CLIC4: variants seen among roughly 807,000 people sequenced by gnomAD.
CLIC4 encodes chloride intracellular channel protein 4.
Under a neutral mutation model 24.6 loss-of-function variants are expected in CLIC4, and 13 were observed. The observed-to-expected ratio is 0.53, with a 90% CI of 0.34 to 0.84. The LOEUF (loss-of-function observed/expected upper bound fraction) is 0.84, where lower values mean the gene tolerates loss of function less well. CLIC4 is among the 40% of genes least tolerant of loss of function. CLIC4 has a pLI of 0.01. For missense variants in CLIC4, 227 were observed against 301.7 expected (o/e 0.75, Z 1.83); for synonymous variants, 104 against 111.3 (o/e 0.93, Z 0.41).
chr1:24,799,090 C>T (rs556276467), intron 2 of CLIC4, among the ~76,000 whole-genome samples: 2 of 151,816 alleles, frequency 1.3e-5, no homozygotes, highest in East Asian at 1.9e-4. Flanking sequence ...TGAGGAGTGT[C>T]TCTGCCTGGC....
chr1:24,824,996 TCACACACACACACACACACACACA>T (rs3220273), intron 3 of CLIC4, among the ~76,000 whole-genome samples: 5 of 133,958 alleles, frequency 3.7e-5, no homozygotes, highest in South Asian at 2.5e-4. Context: ...GGAGACCCTG[TCACACACACACACACACACACACA>T]CACACACACA....
intron 2 of CLIC4, among the ~76,000 whole-genome samples, chr1:24,809,355 A>G (rs1166979798): frequency 6.6e-6 from 1 of 152,248 alleles, no homozygotes; most frequent in East Asian, 1.9e-4. Context: ...ATGGAGCCAG[A>G]GAGAGAATAT....
At chr1:24,797,034 A>T (rs1261349286) in intron 1 of CLIC4, among the ~76,000 whole-genome samples, 1 of 150,892 alleles carries the variant, frequency 6.6e-6, no homozygotes, top group East Asian at 2.0e-4. Flanking sequence ...GCACACTGCA[A>T]CCTCTGTGTC....
intron 3 of CLIC4, among the ~76,000 whole-genome samples, chr1:24,821,005 GAAACCCT>G (rs1473089156): frequency 3.9e-5 from 6 of 152,018 alleles, no homozygotes; most frequent in African/African-American, 1.4e-4. Flanking sequence ...GCAACATGGT[GAAACCCT>G]GTCTCTACAA....
At position 24,814,190 on chromosome 1, in the gene CLIC4, A is replaced by ATTTC; in HGVS notation, c.282_285dup (p.Glu96SerfsTer2). On this transcript the variant is annotated frameshift_variant, in exon 3 of 6. Coordinates refer to ENST00000374379, the MANE Select transcript of CLIC4 (RefSeq NM_013943.3). LOFTEE classifies it high-confidence loss of function. ...AAACGGATGTAAATAAGATTGAGGAATTTCTTGAAGAAGTCTTATGCCCTC... is the reference window on the plus strand; with the variant it reads ...AAACGGATGTAAATAAGATTGAGGAATTTCTTTCTTGAAGAAGTCTTATGCCCTC... The ATTTC allele has an allele frequency of 6.2e-7, 1 of 1,613,958 alleles. No homozygotes were observed. The highest frequency in any genetic ancestry group is 8.5e-7 in the Non-Finnish European group (1 of 1,179,944).
chr1:24,825,012 ACAC>A (rs1639773392), intron 3 of CLIC4, among the ~76,000 whole-genome samples: 1 of 149,726 alleles, frequency 6.7e-6, no homozygotes, highest in Non-Finnish European at 1.5e-5. Flanking sequence ...ACACACACAC[ACAC>A]ACACACACAC....
chr1:24,818,258 C>T (rs755002739), intron 3 of CLIC4, among the ~76,000 whole-genome samples: 1 of 151,914 alleles, frequency 6.6e-6, no homozygotes, highest in African/African-American at 2.4e-5. Flanking sequence ...ACAAGTTATA[C>T]CTGAAGTTAC....
At chr1:24,766,489 T>G (rs1638997732) in intron 1 of CLIC4, among the ~76,000 whole-genome samples, 2 of 61,576 alleles carry the variant, frequency 3.2e-5, no homozygotes, top group East Asian at 6.7e-4. Flanking sequence ...TTTTTTTTTT[T>G]TTTTTTTTTT....
intron 3 of CLIC4, among the ~76,000 whole-genome samples, chr1:24,823,959 C>G (rs568746321): frequency 6.6e-6 from 1 of 152,234 alleles, no homozygotes; most frequent in Admixed American, 6.5e-5. Context: ...ATCTGAAAGT[C>G]TAAATACCCT....
Position 24,766,009 on chromosome 1 carries a change from G to GT in CLIC4, c.72+20392dup, listed in dbSNP as rs200678135. ...AAAATTTGTTTAAATTTTAATTTTA[G>GT]TTTTTTTTCTTTTGAGATGGAGTCT... On this transcript the variant is annotated intron_variant, in intron 1 of 5. Coordinates refer to ENST00000374379, the MANE Select transcript of CLIC4 (RefSeq NM_013943.3). Among the ~76,000 whole-genome samples the GT allele has an allele frequency of 4.1e-3, 616 of 151,214 alleles. 5 individuals carry two copies. Among genetic ancestry groups the GT allele is most frequent in the African/African-American group, 0.015 (599 of 41,212 alleles).
intron 3 of CLIC4, among the ~76,000 whole-genome samples, chr1:24,825,006 A>ACACACG (rs1166369646): frequency 6.7e-5 from 10 of 148,736 alleles, no homozygotes; most frequent in Non-Finnish European, 1.5e-4. Flanking sequence ...TCACACACAC[A>ACACACG]CACACACACA....
intron 1 of CLIC4, among the ~76,000 whole-genome samples, chr1:24,762,822 C>T (rs1038496393): frequency 4.6e-5 from 7 of 152,046 alleles, no homozygotes; most frequent in Admixed American, 1.3e-4. Context: ...TAACAAGAAA[C>T]TTGGCTATGT....
chr1:24,803,996 C>G (rs1296846783), intron 2 of CLIC4, among the ~76,000 whole-genome samples: 1 of 151,984 alleles, frequency 6.6e-6, no homozygotes, highest in Non-Finnish European at 1.5e-5. Flanking sequence ...GTTAGAAACT[C>G]AGAAAAAAAT....
At chr1:24,811,659 A>G (rs1240043983) in intron 2 of CLIC4, among the ~76,000 whole-genome samples, 4 of 152,052 alleles carry the variant, frequency 2.6e-5, no homozygotes, top group Non-Finnish European at 5.9e-5. Context: ...ATTTTTTTAT[A>G]GAGATGGGAT....
At chr1:24,814,364 T>C (rs1035083874) in intron 3 of CLIC4, 145 bp downstream of exon 3, 10 of 973,946 alleles carry the variant, frequency 1.0e-5, no homozygotes, top group South Asian at 1.7e-5. Flanking sequence ...TACACAGATA[T>C]AAGAATTGGC....
At chr1:24,797,910 C>T (rs984280694) in intron 2 of CLIC4, 59 bp downstream of exon 2, 4 of 1,122,660 alleles carry the variant, frequency 3.6e-6, no homozygotes, top group Non-Finnish European at 5.3e-6. Flanking sequence ...CAGTTTGATC[C>T]TATTTTCACC....
intron 2 of CLIC4, among the ~76,000 whole-genome samples, chr1:24,804,461 T>G (rs889734061): frequency 3.2e-3 from 51 of 15,930 alleles, no homozygotes; most frequent in African/African-American, 4.0e-3. Flanking sequence ...GGTGGGTGGG[T>G]GGTGGGGTGT....
intron 3 of CLIC4, among the ~76,000 whole-genome samples, chr1:24,824,020 T>C (rs907811247): frequency 2.6e-5 from 4 of 152,186 alleles, no homozygotes; most frequent in African/African-American, 9.7e-5. Flanking sequence ...ATTATTTGCC[T>C]CCCTTTTGCT....
intron 3 of CLIC4, among the ~76,000 whole-genome samples, chr1:24,818,532 C>G (rs964920261): frequency 1.3e-5 from 2 of 152,114 alleles, no homozygotes; most frequent in Non-Finnish European, 2.9e-5. Context: ...AGGTATCCGC[C>G]CACCTCGGCC....
Sources: allele counts gnomAD v4.1 joint callset (sites outside exome capture counted in the v4.1 genomes callset), GRCh38; gene constraint gnomAD v4.1.1; transcripts MANE v1.5; gene names NCBI Gene and HGNC (gene_info 2026-07-23, HGNC 2026-07-21).